WWOX: variants seen among roughly 807,000 people sequenced by gnomAD.
WWOX encodes the protein WW domain-containing oxidoreductase.
A neutral mutation model predicts 46.2 loss-of-function variants in WWOX; 69 were observed. The observed-to-expected ratio is 1.49, with a 90% CI of 1.23 to 1.82. The LOEUF is 1.82. WWOX is among the 40% of genes most tolerant of loss of function. The pLI is 0.00. For synonymous variants in WWOX, 359 were observed against 202.6 expected (o/e 1.77, Z -6.56); for missense variants, 919 against 542.6 (o/e 1.69, Z -6.89).
intron 5 of WWOX, among the ~76,000 whole-genome samples, chr16:78,188,315 C>T (rs560925088): frequency 4.6e-5 from 7 of 152,016 alleles, no homozygotes; most frequent in African/African-American, 1.7e-4. Flanking sequence ...CGGTGAAACC[C>T]CGTCTTTACT....
chr16:78,368,178 A>T (rs983083539), intron 5 of WWOX, among the ~76,000 whole-genome samples: 5 of 152,228 alleles, frequency 3.3e-5, no homozygotes, highest in Admixed American at 6.5e-5. Flanking sequence ...GAATAAGGCC[A>T]TGTCTGTAAT....
At chr16:78,691,250 C>A (rs1308464795) in intron 8 of WWOX, 1 of 702,114 alleles carries the variant, frequency 1.4e-6, no homozygotes, top group African/African-American at 1.7e-5. Context: ...AGGTTTCAGA[C>A]TGCCTGGTAG....
At chr16:78,524,820 GTT>G (rs36073652) in intron 8 of WWOX, among the ~76,000 whole-genome samples, 1 of 123,210 alleles carries the variant, frequency 8.1e-6, no homozygotes, top group Non-Finnish European at 1.6e-5. Flanking sequence ...TTTTTTATGG[GTT>G]TTTTTTTTTT....
At chr16:78,816,729 A>G (rs763783582) in intron 8 of WWOX, among the ~76,000 whole-genome samples, 14 of 151,798 alleles carry the variant, frequency 9.2e-5, no homozygotes, top group African/African-American at 2.2e-4. Flanking sequence ...AAAATGAGCA[A>G]TTGCTGTGAA....
intron 8 of WWOX, among the ~76,000 whole-genome samples, chr16:78,622,000 C>G (rs766885438): frequency 1.3e-5 from 2 of 152,100 alleles, no homozygotes; most frequent in African/African-American, 4.8e-5. Flanking sequence ...TGTCCAATGT[C>G]ATTCTTGGGC....
At chr16:79,071,456 C>G (rs2048549588) in intron 8 of WWOX, among the ~76,000 whole-genome samples, 1 of 152,190 alleles carries the variant, frequency 6.6e-6, no homozygotes, top group Non-Finnish European at 1.5e-5. Flanking sequence ...AGAGAGTTCA[C>G]CAATTACCCA....
intron 8 of WWOX, among the ~76,000 whole-genome samples, chr16:78,821,383 T>C (rs2051488665): frequency 6.6e-6 from 1 of 152,164 alleles, no homozygotes; most frequent in Non-Finnish European, 1.5e-5. Context: ...GCCTCTGGTT[T>C]ATCCTTCTTT....
At chr16:78,658,977 A>G (rs947140489) in intron 8 of WWOX, among the ~76,000 whole-genome samples, 4 of 127,676 alleles carry the variant, frequency 3.1e-5, no homozygotes, top group Non-Finnish European at 6.9e-5. Flanking sequence ...CTGTAGTCCT[A>G]GCTACTTGGG....
intron 8 of WWOX, among the ~76,000 whole-genome samples, chr16:78,876,534 T>C (rs2044237740): frequency 6.6e-6 from 1 of 152,014 alleles, no homozygotes; most frequent in African/African-American, 2.4e-5. Flanking sequence ...GTCAAAGAAG[T>C]TTCTCATTCG....
intron 8 of WWOX, among the ~76,000 whole-genome samples, chr16:79,161,148 G>A (rs1030795114): frequency 3.9e-5 from 6 of 152,138 alleles, no homozygotes; most frequent in African/African-American, 1.4e-4. Flanking sequence ...GGCAATTCTG[G>A]ACTCACTTCC....
intron 5 of WWOX, chr16:78,270,647 C>T (rs900414110): frequency 4.6e-5 from 7 of 152,186 alleles, no homozygotes; most frequent in African/African-American, 1.4e-4. Context: ...CTAGCTTCCT[C>T]AAAACTTGGT....
At chr16:78,503,375 C>T (rs1245704793) in intron 8 of WWOX, among the ~76,000 whole-genome samples, 1 of 152,078 alleles carries the variant, frequency 6.6e-6, no homozygotes, top group Non-Finnish European at 1.5e-5. Context: ...TCAGATAATA[C>T]ATATGCTGAA....
At chr16:78,777,049 G>C (rs1404263965) in intron 8 of WWOX, among the ~76,000 whole-genome samples, 1 of 152,152 alleles carries the variant, frequency 6.6e-6, no homozygotes, top group Admixed American at 6.5e-5. Context: ...TGACATTTTA[G>C]GATAAATGTG....
chr16:78,700,356 G>GAT (rs2048187550), intron 8 of WWOX, among the ~76,000 whole-genome samples: 1 of 114,822 alleles, frequency 8.7e-6, no homozygotes. Flanking sequence ...GAGAGAGAGA[G>GAT]AGAGACCATC....
intron 8 of WWOX, among the ~76,000 whole-genome samples, chr16:79,189,104 C>T (rs1467789549): frequency 6.6e-6 from 1 of 152,130 alleles, no homozygotes; most frequent in Non-Finnish European, 1.5e-5. Context: ...AACTTGTCTG[C>T]TAGAAACCTA....
At chr16:78,106,597 G>A (rs547051311) in intron 1 of WWOX, among the ~76,000 whole-genome samples, 1 of 151,908 alleles carries the variant, frequency 6.6e-6, no homozygotes, top group Non-Finnish European at 1.5e-5. Flanking sequence ...TGTATTTTTA[G>A]TAGAGACAGG....
At chr16:78,133,102 G>A (rs180706355) in intron 4 of WWOX, among the ~76,000 whole-genome samples, 233 of 152,254 alleles carry the variant, frequency 1.5e-3, no homozygotes, top group African/African-American at 5.4e-3. Context: ...TCAACCTTGA[G>A]GGAGTGACTT....
At chr16:78,871,902 C>T (rs1410420495) in intron 8 of WWOX, among the ~76,000 whole-genome samples, 1 of 152,184 alleles carries the variant, frequency 6.6e-6, no homozygotes, top group African/African-American at 2.4e-5. Context: ...CAGGCCCTAC[C>T]CTGGGCCCCT....
chr16:78,868,392 C>G (rs546315609), intron 8 of WWOX, among the ~76,000 whole-genome samples: 14 of 151,888 alleles, frequency 9.2e-5, no homozygotes, highest in Non-Finnish European at 1.8e-4. Flanking sequence ...GAGGGGATTA[C>G]CTGGAAAGGG....
Sources: gnomAD v4.1 joint callset for allele counts (sites outside exome capture counted in the v4.1 genomes callset) on GRCh38, gnomAD v4.1.1 for gene constraint, MANE v1.5 for transcripts, NCBI Gene and HGNC (gene_info 2026-07-23, HGNC 2026-07-21) for gene names.